Variants in MTHFD1 observed in about 807,000 individuals in gnomAD.
The protein encoded by MTHFD1 is C-1-tetrahydrofolate synthase, cytoplasmic.
MTHFD1 carries 44 observed loss-of-function variants against 110.3 expected under a neutral mutation model. The observed-to-expected ratio is 0.40, with a 90% CI of 0.31 to 0.51. The LOEUF is 0.51. Ranked by LOEUF, MTHFD1 falls within the 20% of genes least tolerant of loss-of-function variation. The probability of loss-of-function intolerance (pLI) is 0.60; values close to 1 mark genes in which losing one functional copy is unlikely to be tolerated. For synonymous variants in MTHFD1, 402 were observed against 428.8 expected, an observed-to-expected ratio of 0.94 and a Z score of 0.77; for missense variants, 909 against 1,173.1, an observed-to-expected ratio of 0.77 and a Z score of 3.29.
chr14:64,400,682 C>T (rs2077888879), intron 1 of MTHFD1, 111 bp from the exon 2 acceptor site: 1 of 766,606 alleles, frequency 1.3e-6, no homozygotes, highest in Non-Finnish European at 2.3e-6. Flanking sequence ...GAGCGAGACC[C>T]TGTGTTAATA....
rs528851043 is a variant in MTHFD1 at position 64,412,457 on chromosome 14, A to G, written c.187-15A>G. The G allele has an allele frequency of 2.3e-5, 37 of 1,605,502 alleles. 1 individual carries two copies. The South Asian group carries it at 3.5e-4, about 15-fold the overall frequency. ...TTGTCTTGCCATTTACCTGCTTTTA[A>G]TGTCTGTTTTGCAGATTGGGATCAA... On this transcript the variant is annotated splice_polypyrimidine_tract_variant and intron_variant, in intron 3 of 27. Transcript: ENST00000652337.
Position 64,439,154 on chromosome 14 carries a change from GA to G in MTHFD1, c.1658del (p.Lys553ArgfsTer27). On this transcript the variant is annotated frameshift_variant, in exon 17 of 28. Coordinates refer to ENST00000652337, the MANE Select transcript of MTHFD1 (RefSeq NM_005956.4). LOFTEE classifies it high-confidence loss of function. ...KITIGQAPTE[K>X]GHTRTAQFDI... ...TCACGATTGGACAGGCTCCAACGGAGAAGGGTCACACACGGACGGTAACAAT... is the reference window on the plus strand; with the variant it reads ...TCACGATTGGACAGGCTCCAACGGAGAGGGTCACACACGGACGGTAACAAT... 6.2e-7 allele frequency: 1 copy of G among 1,613,982 alleles called. No homozygotes were observed. The highest frequency in any genetic ancestry group is 8.5e-7 in the Non-Finnish European group (1 of 1,179,822).
chr14:64,427,873 T>C (rs572138194), intron 12 of MTHFD1, among the ~76,000 whole-genome samples: 1 of 152,330 alleles, frequency 6.6e-6, no homozygotes, highest in South Asian at 2.1e-4. Flanking sequence ...ATATATGCTT[T>C]GTGCCAGATA....
At chr14:64,452,437 A>G (rs1294286470) in intron 24 of MTHFD1, among the ~76,000 whole-genome samples, 41 of 152,164 alleles carry the variant, frequency 2.7e-4, no homozygotes, top group Admixed American at 2.6e-3. Context: ...ACCTCTCCGT[A>G]TGCTGTTCTC....
At chr14:64,440,425 T>C (rs1234870485) in intron 18 of MTHFD1, 159 bp downstream of exon 18, 1 of 921,870 alleles carries the variant, frequency 1.1e-6, no homozygotes, top group East Asian at 2.7e-5. Flanking sequence ...AATTATGAAA[T>C]GTTTAAAAAG....
At chr14:64,430,135 A>C in intron 12 of MTHFD1, 49 bp from the exon 13 acceptor site, 1 of 1,533,546 alleles carries the variant, frequency 6.5e-7, no homozygotes, top group Non-Finnish European at 9.0e-7. Flanking sequence ...TTTCTAAGTC[A>C]TTGGAGAAGC....
At chr14:64,439,231 TCTC>T in intron 17 of MTHFD1, 59 bp downstream of exon 17, 1 of 1,237,494 alleles carries the variant, frequency 8.1e-7, no homozygotes, top group Non-Finnish European at 1.2e-6. Context: ...TTGCTGCTTC[TCTC>T]CTCCTCCATC....
chr14:64,441,602 C>T lies in MTHFD1; in HGVS notation c.1884+149C>T, dbSNP rs191805863. 3.9e-3 allele frequency: 2,664 copies of T among 688,214 alleles called. 18 individuals carry two copies. The highest frequency in any genetic ancestry group is 5.3e-3 in the Non-Finnish European group (2,017 of 382,250). 42.6% of individuals were successfully genotyped at this position (688,214 alleles called of 1,614,324 possible). Reference sequence around the variant, plus strand: ...TGGGCAGATCACAAGGTCAGGAGATCGAGACCATCCTGGCTAACATGGTGA... The same window carrying T: ...TGGGCAGATCACAAGGTCAGGAGATTGAGACCATCCTGGCTAACATGGTGA... On this transcript the variant is annotated intron_variant, in intron 19 of 27. Transcript: ENST00000652337.
intron 16 of MTHFD1, among the ~76,000 whole-genome samples, chr14:64,438,178 C>G (rs1044770959): frequency 1.3e-5 from 2 of 152,148 alleles, no homozygotes; most frequent in African/African-American, 4.8e-5. Flanking sequence ...CCGGCCTGTT[C>G]AAGAGTTTTA....
At chr14:64,396,759 A>G (rs1247406841) in intron 1 of MTHFD1, among the ~76,000 whole-genome samples, 1 of 151,616 alleles carries the variant, frequency 6.6e-6, no homozygotes, top group Non-Finnish European at 1.5e-5. Context: ...CAACAAATGA[A>G]CAAAATGGGA....
intron 1 of MTHFD1, among the ~76,000 whole-genome samples, chr14:64,395,011 T>C (rs1025644992): frequency 9.2e-5 from 14 of 152,188 alleles, no homozygotes; most frequent in African/African-American, 3.4e-4. Context: ...AATCCTCCAA[T>C]AGTGAGACTA....
chr14:64,391,352 A>C (rs747136601), intron 1 of MTHFD1, among the ~76,000 whole-genome samples: 6 of 152,054 alleles, frequency 3.9e-5, no homozygotes, highest in Non-Finnish European at 8.8e-5. Flanking sequence ...TTTAGTAGAG[A>C]TGGGGTTTCG....
At chr14:64,427,313 T>A in intron 11 of MTHFD1, 24 bp from the exon 12 acceptor site, 1 of 1,613,764 alleles carries the variant, frequency 6.2e-7, no homozygotes, top group African/African-American at 1.3e-5. Context: ...TTAAACCTTT[T>A]TCTCTTTTGC....
chr14:64,416,710 A>G (rs900612833), intron 6 of MTHFD1, among the ~76,000 whole-genome samples: 2 of 152,216 alleles, frequency 1.3e-5, no homozygotes, highest in Non-Finnish European at 2.9e-5. Flanking sequence ...AAGCTTTGAC[A>G]GTTCATTTCT....
chr14:64,391,447 G>C (rs2077804234), intron 1 of MTHFD1, among the ~76,000 whole-genome samples: 1 of 152,244 alleles, frequency 6.6e-6, no homozygotes, highest in Admixed American at 6.5e-5. Flanking sequence ...TTACAGGTGT[G>C]AGCCACTGCG....
intron 26 of MTHFD1, among the ~76,000 whole-genome samples, chr14:64,457,435 G>A (rs2078492813): frequency 1.3e-5 from 2 of 151,642 alleles, no homozygotes; most frequent in African/African-American, 4.8e-5. Context: ...AGAAGGACAT[G>A]AGGAATCAGT....
chr14:64,457,956 T>C, intron 26 of MTHFD1: 1 of 572,866 alleles, frequency 1.7e-6, no homozygotes, highest in Non-Finnish European at 3.1e-6. Flanking sequence ...AATCGGATGA[T>C]CATGGCTCAC....
At position 64,389,866 on chromosome 14, in the gene MTHFD1, T is replaced by A. The variant is rs566196179; in HGVS notation, c.41+1398T>A. ...TTTTGTTTTAATATAAAAATCTTCCTTTTAGAAAGACTGATTGTGAAGAGA... is the reference window on the plus strand; with the variant it reads ...TTTTGTTTTAATATAAAAATCTTCCATTTAGAAAGACTGATTGTGAAGAGA... On this transcript the variant is annotated intron_variant, in intron 1 of 27. Transcript: ENST00000652337. 4.2e-4 allele frequency among the ~76,000 whole-genome samples: 64 copies of A among 152,346 alleles called. 1 individual carries two copies. The highest frequency in any genetic ancestry group is 3.9e-3 in the South Asian group (19 of 4,826).
intron 8 of MTHFD1, among the ~76,000 whole-genome samples, chr14:64,423,758 G>A (rs187066777): frequency 3.3e-5 from 5 of 149,554 alleles, no homozygotes; most frequent in Admixed American, 2.7e-4. Flanking sequence ...ACAGAGTCTC[G>A]CTCTGTTGCC....
Sources: gnomAD v4.1 joint callset for allele counts (sites outside exome capture counted in the v4.1 genomes callset) on GRCh38, gnomAD v4.1.1 for gene constraint, MANE v1.5 for transcripts, NCBI Gene and HGNC (gene_info 2026-07-23, HGNC 2026-07-21) for gene names.